Variants in KDM6A observed in about 807,000 individuals in gnomAD.
KDM6A encodes the protein lysine-specific demethylase 6A.
KDM6A carries 11 observed loss-of-function variants against 117.6 expected under a neutral mutation model. The ratio of observed to expected loss-of-function variants is 0.09; its 90% CI spans 0.06 to 0.15. KDM6A has a LOEUF of 0.15. KDM6A is among the 10% of genes least tolerant of loss of function. The probability of loss-of-function intolerance (pLI) is 1.00; values close to 1 mark genes in which losing one functional copy is unlikely to be tolerated. For synonymous variants in KDM6A, 384 were observed against 396.1 expected (o/e 0.97, Z 0.36); for missense variants, 799 against 1,077.3 (o/e 0.74, Z 3.62).
rs1160165814 is a variant in KDM6A at position 45,020,477 on chromosome X, T to A, written c.444-133T>A. On this transcript the variant is annotated intron_variant, in intron 5 of 29. Coordinates refer to ENST00000611820, the MANE Select transcript of KDM6A (RefSeq NM_001291415.2). ...TTCAATTTTACTTTTTTAGTATTTA[T>A]TAACATCATTTTTATAAAACCAACA... 13 of 671,468 alleles carry A rather than the reference T, an allele frequency of 1.9e-5. No individual in the cohort carries two copies. In the East Asian group the frequency reaches 4.7e-4, roughly 24 times the overall value. 55.3% of individuals were successfully genotyped at this position (671,468 alleles called of 1,213,427 possible).
intron 4 of KDM6A, among the ~76,000 whole-genome samples, chrX:45,002,863 C>CCCT (rs1569514412): frequency 6.5e-5 from 3 of 46,387 alleles, no homozygotes; most frequent in African/African-American, 4.0e-4. Flanking sequence ...CCCTCCCCGC[C>CCCT]CCCCCCCCCC....
chrX:44,989,764 C>T (rs1333493560), intron 4 of KDM6A, among the ~76,000 whole-genome samples: 1 of 111,024 alleles, frequency 9.0e-6, no homozygotes, highest in Admixed American at 9.6e-5. Context: ...AAGACCTGGT[C>T]AAGTTTTCCA....
intron 1 of KDM6A, 28 bp downstream of exon 1, chrX:44,873,740 G>A: frequency 8.6e-7 from 1 of 1,161,147 alleles, no homozygotes. Context: ...TCGCCCGGTC[G>A]GCTCCGGACG....
At chrX:45,079,709 AACTTTTTT>A (rs2045313234) in intron 21 of KDM6A, among the ~76,000 whole-genome samples, 1 of 111,561 alleles carries the variant, frequency 9.0e-6, no homozygotes, top group Admixed American at 9.5e-5. Flanking sequence ...ACGCCCAGCT[AACTTTTTT>A]GCATTTTTAG....
rs1314990883 is a variant in KDM6A at position 45,112,444 on chromosome X, A to G, written c.*1033A>G. On this transcript the variant is annotated 3_prime_UTR_variant, in exon 30 of 30. Transcript: ENST00000611820. ...GTTTTAAGTTTCACATCTATGGTAG[A>G]TTTTTGAGGTGTCTACTGTAAAGTA... is the stretch of plus-strand genomic sequence containing the variant. 1 of 137,047 alleles carries G rather than the reference A, an allele frequency of 7.3e-6. No individual in the cohort carries two copies. Among genetic ancestry groups the G allele is most frequent in the Non-Finnish European group, 1.5e-5 (1 of 68,503 alleles). 11.3% of individuals were successfully genotyped at this position (137,047 alleles called of 1,213,427 possible).
intron 6 of KDM6A, among the ~76,000 whole-genome samples, chrX:45,022,425 GA>G (rs1290344186): frequency 1.8e-5 from 2 of 111,348 alleles, no homozygotes; most frequent in African/African-American, 6.5e-5. Flanking sequence ...TACCTTTAAC[GA>G]GTCCATGATA....
rs776826796 is a variant in KDM6A at position 45,061,311 on chromosome X, C to T, written c.1486-13C>T. The T allele has an allele frequency of 5.6e-6, 6 of 1,066,230 alleles. No individual in the cohort carries two copies. In the Admixed American group the frequency reaches 6.8e-5, roughly 12 times the overall value. 87.9% of individuals were successfully genotyped at this position (1,066,230 alleles called of 1,213,427 possible). A position where few individuals can be genotyped will look rare whatever the true frequency, so the allele number is the denominator to read the frequency against. The stretch of plus-strand genomic sequence containing the variant: ...ATATTCTTTAATTTTTTTTTTAAAT[C>T]GATTTTCCTCAGAATACTTCTGACA... On this transcript the variant is annotated splice_polypyrimidine_tract_variant and intron_variant, in intron 14 of 29. Transcript: ENST00000611820.
intron 8 of KDM6A, among the ~76,000 whole-genome samples, chrX:45,046,507 C>T (rs1374219308): frequency 1.8e-5 from 2 of 111,499 alleles, no homozygotes; most frequent in East Asian, 5.6e-4. Flanking sequence ...AATTAATAAG[C>T]TTCAACAACA....
chrX:44,950,089 TC>T (rs1363105620), intron 2 of KDM6A, among the ~76,000 whole-genome samples: 1 of 109,973 alleles, frequency 9.1e-6, no homozygotes, highest in African/African-American at 3.3e-5. Context: ...CGATCTCTGC[TC>T]ACTGCAAGCT....
At chrX:44,932,891 C>CT (rs765121404) in intron 2 of KDM6A, among the ~76,000 whole-genome samples, 11,372 of 100,307 alleles carry the variant, frequency 0.11, 839 homozygotes, top group African/African-American at 0.24. Context: ...TTTTTTCTTT[C>CT]TTTTTTTTTT....
chrX:45,109,383 G>C (rs2046682721), intron 28 of KDM6A, among the ~76,000 whole-genome samples: 1 of 110,987 alleles, frequency 9.0e-6, no homozygotes, highest in South Asian at 3.8e-4. Flanking sequence ...TGACAGTAAT[G>C]GATAACATGG....
chrX:45,051,496 G>T (rs1423870857), intron 8 of KDM6A, among the ~76,000 whole-genome samples: 1 of 111,983 alleles, frequency 8.9e-6, no homozygotes, highest in Non-Finnish European at 1.9e-5. Context: ...TCGTTATAGT[G>T]AATGTCAGTT....
At chrX:44,927,778 G>C (rs1007394754) in intron 2 of KDM6A, among the ~76,000 whole-genome samples, 1 of 111,527 alleles carries the variant, frequency 9.0e-6, no homozygotes, top group African/African-American at 3.3e-5. Flanking sequence ...TGACCTAGGA[G>C]TGACTTCTAG....
At chrX:44,983,011 A>G in intron 4 of KDM6A, among the ~76,000 whole-genome samples, 1 of 112,348 alleles carries the variant, frequency 8.9e-6, no homozygotes, top group African/African-American at 3.2e-5. Context: ...TATTTCAACA[A>G]GTTTATTGCT....
At chrX:44,892,565 G>C (rs780591815) in intron 2 of KDM6A, among the ~76,000 whole-genome samples, 1 of 111,235 alleles carries the variant, frequency 9.0e-6, no homozygotes, top group Non-Finnish European at 1.9e-5. Flanking sequence ...GGTTGCCGGC[G>C]CTTGTAGTCC....
chrX:44,909,351 T>C (rs2034935565), intron 2 of KDM6A, among the ~76,000 whole-genome samples: 1 of 111,603 alleles, frequency 9.0e-6, no homozygotes, highest in Non-Finnish European at 1.9e-5. Flanking sequence ...TCCCTTTTGC[T>C]GTTGATGTCT....
chrX:45,111,327 C>T, intron 29 of KDM6A, 55 bp from the exon 30 acceptor site: 6 of 959,337 alleles, frequency 6.3e-6, no homozygotes, highest in Non-Finnish European at 9.0e-6. Context: ...TGTTTGTAGC[C>T]ATGAGCTATT....
chrX:44,960,576 G>T (rs1251019459), intron 2 of KDM6A, among the ~76,000 whole-genome samples: 2 of 111,759 alleles, frequency 1.8e-5, no homozygotes, highest in African/African-American at 6.5e-5. Flanking sequence ...TCAAGCCCTA[G>T]AACTGGGTTC....
rs574327727 is a variant in KDM6A, at chrX:45,028,703, T to A, written c.565-6228T>A. ...CTCGTCAGCTTGTACTTTACCAATT[T>A]CCTAGATAATAGTTTCTGATACGAG... On this transcript the variant is annotated intron_variant, in intron 6 of 29. Transcript: ENST00000611820. 2.4e-4 allele frequency among the ~76,000 whole-genome samples: 27 copies of A among 112,116 alleles called. No homozygotes were observed. In the South Asian group the frequency reaches 8.9e-3, roughly 37 times the overall value.
Sources: gnomAD v4.1 joint callset for allele counts (sites outside exome capture counted in the v4.1 genomes callset) on GRCh38, gnomAD v4.1.1 for gene constraint, MANE v1.5 for transcripts, NCBI Gene and HGNC (gene_info 2026-07-23, HGNC 2026-07-21) for gene names.